MAST2: variants seen among roughly 807,000 people sequenced by gnomAD.
MAST2 encodes microtubule-associated serine/threonine-protein kinase 2.
MAST2 carries 70 observed loss-of-function variants against 147.4 expected under a neutral mutation model. That is an observed-to-expected ratio of 0.47 (90% CI 0.39 to 0.58). The LOEUF (loss-of-function observed/expected upper bound fraction) is 0.58, where lower values mean the gene tolerates loss of function less well. Ranked by LOEUF, MAST2 falls within the 20% of genes least tolerant of loss-of-function variation. MAST2 has a pLI of 0.00. For synonymous variants in MAST2, 869 were observed against 896.8 expected, an observed-to-expected ratio of 0.97 and a Z score of 0.55; for missense variants, 2,080 against 2,302.3, an observed-to-expected ratio of 0.90 and a Z score of 1.98.
At chr1:45,832,050 G>C (rs1229562602) in intron 3 of MAST2, among the ~76,000 whole-genome samples, 1 of 152,082 alleles carries the variant, frequency 6.6e-6, no homozygotes, top group Non-Finnish European at 1.5e-5. Context: ...AAAGTGCTGG[G>C]ATTACAGGCG....
intron 4 of MAST2, among the ~76,000 whole-genome samples, chr1:45,888,944 G>C (rs946428549): frequency 6.6e-6 from 1 of 151,890 alleles, no homozygotes; most frequent in Non-Finnish European, 1.5e-5. Context: ...CCCAAGTGCT[G>C]GGATTACAGG....
At chr1:45,852,671 T>A (rs893203703) in intron 3 of MAST2, among the ~76,000 whole-genome samples, 1 of 151,990 alleles carries the variant, frequency 6.6e-6, no homozygotes, top group African/African-American at 2.4e-5. Context: ...ATGCCTGGCC[T>A]TTATGTGAAT....
chr1:45,968,115 G>C (rs923153627), intron 5 of MAST2, among the ~76,000 whole-genome samples: 1 of 152,150 alleles, frequency 6.6e-6, no homozygotes, highest in Non-Finnish European at 1.5e-5. Context: ...CAGCTGGTTA[G>C]TATAATGCAA....
chr1:45,921,073 G>A (rs1235117023), intron 4 of MAST2, among the ~76,000 whole-genome samples: 1 of 152,184 alleles, frequency 6.6e-6, no homozygotes, highest in African/African-American at 2.4e-5. Flanking sequence ...TCGGCTCACT[G>A]CAAGCTCCAT....
intron 4 of MAST2, among the ~76,000 whole-genome samples, chr1:45,940,642 C>CA (rs1396956557): frequency 7.1e-5 from 10 of 140,644 alleles, no homozygotes; most frequent in African/African-American, 2.6e-4. Context: ...TTTTTTGAGA[C>CA]AGAGTCTCGC....
At position 46,034,887 on chromosome 1, in the gene MAST2, G is replaced by A. The variant is rs1359241762; in HGVS notation, c.4218G>A (p.Gln1406=). The part of the protein sequence containing the change: ...PPRSPLLKRV[Q]SAEKLAAALA... ...GTTCACCACTACTCAAGAGGGTGCAGTCGGCTGAGAAACTGGCAGCAGCAC... is the reference window on the plus strand; with the variant it reads ...GTTCACCACTACTCAAGAGGGTGCAATCGGCTGAGAAACTGGCAGCAGCAC... The change falls in exon 29 of 29, where the codon CAG becomes CAA. Residue 1406 remains glutamine (Q), a synonymous_variant. Transcript: ENST00000361297. The A allele has an allele frequency of 1.2e-6, 2 of 1,614,236 alleles. No homozygotes were observed. Among genetic ancestry groups the A allele is most frequent in the Admixed American group, 3.3e-5 (2 of 60,028 alleles).
At chr1:45,861,581 G>T (rs140003965) in intron 3 of MAST2, among the ~76,000 whole-genome samples, 3 of 151,630 alleles carry the variant, frequency 2.0e-5, no homozygotes. Context: ...CATCTGTTGT[G>T]GTGGAAGAAA....
At chr1:45,956,806 T>G (rs1570923490) in intron 4 of MAST2, among the ~76,000 whole-genome samples, 1 of 152,362 alleles carries the variant, frequency 6.6e-6, no homozygotes, top group South Asian at 2.1e-4. Context: ...GTGACTGTTC[T>G]GCCCAAACCT....
chr1:45,891,158 C>T (rs868524703), intron 4 of MAST2, among the ~76,000 whole-genome samples: 1 of 152,086 alleles, frequency 6.6e-6, no homozygotes, highest in Non-Finnish European at 1.5e-5. Flanking sequence ...GTCAGTTGCA[C>T]CTTCACTGTA....
intron 3 of MAST2, among the ~76,000 whole-genome samples, chr1:45,875,462 A>G (rs1557856903): frequency 6.6e-6 from 1 of 152,116 alleles, no homozygotes; most frequent in Non-Finnish European, 1.5e-5. Context: ...ATAAAAAGTT[A>G]TTTTTGACTT....
At position 45,977,067 on chromosome 1, in the gene MAST2, A is replaced by T. The variant is rs917977973; in HGVS notation, c.592+17590A>T. On this transcript the variant is annotated intron_variant, in intron 5 of 28. Transcript: ENST00000361297. ...TCAATTCCAGGTGAATTATAATTTTAAATGTGAAAGGTAATACAGTAAAAC... is the reference window on the plus strand; with the variant it reads ...TCAATTCCAGGTGAATTATAATTTTTAATGTGAAAGGTAATACAGTAAAAC... Among the ~76,000 whole-genome samples the T allele has an allele frequency of 1.2e-4, 19 of 152,372 alleles. No homozygotes were observed. In the South Asian group the frequency reaches 3.1e-3, roughly 25 times the overall value.
chr1:45,895,237 T>C (rs1226832297), intron 4 of MAST2, among the ~76,000 whole-genome samples: 1 of 152,204 alleles, frequency 6.6e-6, no homozygotes, highest in East Asian at 1.9e-4. Flanking sequence ...CACTATTTGA[T>C]GGATATTTGG....
At chr1:45,913,953 G>T (rs756021531) in intron 4 of MAST2, 1 of 1,018,048 alleles carries the variant, frequency 9.8e-7, no homozygotes, top group South Asian at 2.1e-5. Context: ...ACACAGCTTC[G>T]TTCATTTGGA....
intron 4 of MAST2, among the ~76,000 whole-genome samples, chr1:45,952,134 G>A (rs529819866): frequency 6.6e-6 from 1 of 152,356 alleles, no homozygotes; most frequent in South Asian, 2.1e-4. Context: ...AATGTTCACA[G>A]CAGCAGCATC....
intron 5 of MAST2, among the ~76,000 whole-genome samples, chr1:45,974,636 G>A (rs1161947014): frequency 6.6e-6 from 1 of 152,162 alleles, no homozygotes; most frequent in African/African-American, 2.4e-5. Flanking sequence ...GGAAAGTGAG[G>A]TGATTAGCTG....
intron 4 of MAST2, among the ~76,000 whole-genome samples, chr1:45,908,468 T>G (rs376134152): frequency 2.0e-5 from 3 of 152,354 alleles, no homozygotes; most frequent in Admixed American, 2.0e-4. Flanking sequence ...TTCCATAATT[T>G]GGTGTGTGTG....
Position 46,031,328 on chromosome 1 carries a change from G to A in MAST2, c.2992+38G>A, listed in dbSNP as rs1646656234. 1 of 1,560,000 alleles carries A rather than the reference G, an allele frequency of 6.4e-7. No individual in the cohort carries two copies. The highest frequency in any genetic ancestry group is 8.7e-7 in the Non-Finnish European group (1 of 1,148,906). ...GGGCGGCCAAACGACCTAAGCTGGA[G>A]GATACTGCAGGGCAGGGAGGCTCAG... On this transcript the variant is annotated intron_variant, in intron 23 of 28. Transcript: ENST00000361297. The surrounding 1 kb of genome is among the most constrained non-coding windows in gnomAD (Gnocchi z 4.1).
At chr1:45,848,214 A>G (rs747066231) in intron 3 of MAST2, among the ~76,000 whole-genome samples, 1 of 152,242 alleles carries the variant, frequency 6.6e-6, no homozygotes, top group Non-Finnish European at 1.5e-5. Flanking sequence ...TCCTGAGACT[A>G]CTATCCTTAG....
At chr1:45,837,672 G>A (rs1239727467) in intron 3 of MAST2, among the ~76,000 whole-genome samples, 1 of 152,200 alleles carries the variant, frequency 6.6e-6, no homozygotes. Context: ...ATATTTACCA[G>A]TGTAAATTTA....
Sources: gnomAD v4.1 joint callset for allele counts (sites outside exome capture counted in the v4.1 genomes callset) on GRCh38, gnomAD v4.1.1 for gene constraint, Gnocchi (gnomAD v3.1) non-coding constraint, MANE v1.5 for transcripts, NCBI Gene and HGNC (gene_info 2026-07-23, HGNC 2026-07-21) for gene names.